Variants in DHRS3 observed in about 807,000 individuals in gnomAD.
The protein encoded by DHRS3 is short-chain dehydrogenase/reductase 3.
DHRS3 carries 14 observed loss-of-function variants against 27.2 expected under a neutral mutation model. The ratio of observed to expected loss-of-function variants is 0.52; its 90% CI spans 0.34 to 0.81. The LOEUF (loss-of-function observed/expected upper bound fraction) is 0.81. Ranked by LOEUF, DHRS3 falls within the 30% of genes least tolerant of loss-of-function variation. The probability of loss-of-function intolerance (pLI) is 0.01; values close to 1 mark genes in which losing one functional copy is unlikely to be tolerated. For synonymous variants in DHRS3, 165 were observed against 175.9 expected (o/e 0.94, Z 0.49); for missense variants, 322 against 406.2 (o/e 0.79, Z 1.78).
chr1:12,600,349 G>C (rs1199214451), intron 1 of DHRS3: 3 of 985,284 alleles, frequency 3.0e-6, no homozygotes, highest in African/African-American at 1.7e-5. Context: ...CATGTGCCCA[G>C]TCCACACTGA....
At chr1:12,589,246 C>A (rs576028617) in intron 1 of DHRS3, among the ~76,000 whole-genome samples, 3 of 152,146 alleles carry the variant, frequency 2.0e-5, no homozygotes, top group Non-Finnish European at 4.4e-5. Flanking sequence ...AAGGAGAGAC[C>A]CTTTCTCGAG....
rs749253246 is a variant in DHRS3 at position 12,617,222 on chromosome 1, T to C, written c.127A>G (p.Ile43Val). ...LRDLSRENVL[I>V]TGGGRGIGRQ... ...CCGATGCCTCTCCCGCCGCCGGTGATGAGGACGTTCTCCCGCGACAGGTCC... is the reference window on the plus strand; with the variant it reads ...CCGATGCCTCTCCCGCCGCCGGTGACGAGGACGTTCTCCCGCGACAGGTCC... Residue 43 changes from isoleucine to valine, a missense_variant, in exon 1 of 6, where the codon ATC becomes GTC. By Grantham distance (29) the Ile-to-Val change is conservative. Transcript: ENST00000616661. 6.2e-7 allele frequency: 1 copy of C among 1,613,582 alleles called. No homozygotes were observed. The highest frequency in any genetic ancestry group is 8.5e-7 in the Non-Finnish European group (1 of 1,179,940).
chr1:12,576,537 G>A (rs1646590377), intron 4 of DHRS3, among the ~76,000 whole-genome samples: 2 of 151,508 alleles, frequency 1.3e-5, no homozygotes, highest in Non-Finnish European at 1.5e-5. Flanking sequence ...ACTCCAGCCT[G>A]GGCGACAGAG....
At chr1:12,587,948 G>C (rs893932388) in intron 1 of DHRS3, among the ~76,000 whole-genome samples, 5 of 152,194 alleles carry the variant, frequency 3.3e-5, no homozygotes, top group African/African-American at 9.7e-5. Flanking sequence ...GTGAGTGAGG[G>C]AGGGAGCCTG....
At chr1:12,580,321 T>A (rs1646632106) in intron 2 of DHRS3, 1 of 646,280 alleles carries the variant, frequency 1.5e-6, no homozygotes, top group Non-Finnish European at 2.7e-6. Flanking sequence ...GAACAACAGA[T>A]GATTACGCCT....
chr1:12,588,125 C>T (rs1646713468), intron 1 of DHRS3, among the ~76,000 whole-genome samples: 1 of 152,234 alleles, frequency 6.6e-6, no homozygotes, highest in African/African-American at 2.4e-5. Flanking sequence ...CCGGCCCGGG[C>T]TGTTTTTCTC....
Position 12,580,630 on chromosome 1 carries a change from C to T in DHRS3, c.232G>A (p.Glu78Lys). 1 of 1,614,074 alleles carries T rather than the reference C, an allele frequency of 6.2e-7. No homozygotes were observed. Among genetic ancestry groups the T allele is most frequent in the Non-Finnish European group, 8.5e-7 (1 of 1,180,020 alleles). Reference protein sequence around the residue: ...LWGRTEKCLKETTEEIRQMGT... With the variant: ...LWGRTEKCLKKTTEEIRQMGT... ...ATCTGCCGGATCTCCTCCGTCGTCT[C>T]CTTCAGGCATTTCTCAGTCCGGCCC... The change falls in exon 2 of 6, where the codon GAG becomes AAG. Residue 78 changes from glutamate (E) to lysine (K), a missense_variant. Coordinates refer to ENST00000616661, the MANE Select transcript of DHRS3 (RefSeq NM_004753.7).
Position 12,594,561 on chromosome 1 carries a change from G to A in DHRS3, c.196-13895C>T, listed in dbSNP as rs1255383119. Among the ~76,000 whole-genome samples, 1 of 152,202 alleles carries A rather than the reference G, an allele frequency of 6.6e-6. No homozygotes were observed. Among genetic ancestry groups the A allele is most frequent in the Non-Finnish European group, 1.5e-5 (1 of 68,040 alleles). ...AGTGGTATTCAGATGGTGGGGGAAA[G>A]GTGCAGGGAAGTCCTCTTGGTTAAA... On this transcript the variant is annotated intron_variant, in intron 1 of 5. Transcript: ENST00000616661. This position sits in a 1 kb window ranked among gnomAD's most constrained non-coding sequence, Gnocchi z 4.1.
intron 1 of DHRS3, among the ~76,000 whole-genome samples, chr1:12,614,702 CTTTTT>C (rs70987260): frequency 1.4e-4 from 13 of 92,664 alleles, no homozygotes; most frequent in African/African-American, 5.3e-4. Flanking sequence ...CTCTGGTACA[CTTTTT>C]TTTTTTTTTT....
chr1:12,587,728 CAAAA>C (rs1646710003), intron 1 of DHRS3, among the ~76,000 whole-genome samples: 23 of 64,430 alleles, frequency 3.6e-4, no homozygotes, highest in East Asian at 2.7e-3. Flanking sequence ...AACCAAAAAA[CAAAA>C]CAAAACAAAA....
intron 5 of DHRS3, 49 bp from the exon 6 acceptor site, chr1:12,568,473 T>C: frequency 1.3e-6 from 2 of 1,587,452 alleles, no homozygotes; most frequent in Non-Finnish European, 1.7e-6. Context: ...TGGGGCAGGA[T>C]CCAGGGGCTG....
chr1:12,593,020 C>A lies in DHRS3; in HGVS notation c.196-12354G>T, dbSNP rs957937282. ...ACCTGGAGCACAAGTGGACCCCTCA[C>A]CTGGTCCCAAAAGGTCACTTGGCTG... On this transcript the variant is annotated intron_variant, in intron 1 of 5. Coordinates refer to ENST00000616661, the MANE Select transcript of DHRS3 (RefSeq NM_004753.7). The surrounding 1 kb of genome is among the most constrained non-coding windows in gnomAD (Gnocchi z 4.6). Among the ~76,000 whole-genome samples, 10 of 152,146 alleles carry A rather than the reference C, an allele frequency of 6.6e-5. No individual in the cohort carries two copies. The highest frequency in any genetic ancestry group is 1.5e-4 in the Non-Finnish European group (10 of 68,002).
At chr1:12,575,783 T>C (rs902097494) in intron 4 of DHRS3, among the ~76,000 whole-genome samples, 5 of 152,256 alleles carry the variant, frequency 3.3e-5, no homozygotes, top group African/African-American at 1.2e-4. Flanking sequence ...CTCAGCTCAC[T>C]GCAACCTCCA....
At chr1:12,571,287 G>A (rs1646534232) in intron 5 of DHRS3, among the ~76,000 whole-genome samples, 1 of 152,196 alleles carries the variant, frequency 6.6e-6, no homozygotes, top group South Asian at 2.1e-4. Context: ...TGGAGGAGGA[G>A]TCTCTCATTT....
chr1:12,569,079 G>A (rs4253925), intron 5 of DHRS3, among the ~76,000 whole-genome samples: 16,036 of 152,018 alleles, frequency 0.11, 894 homozygotes, highest in East Asian at 0.14. Flanking sequence ...TTAGCTGGGC[G>A]TGGTGGTGGG....
chr1:12,606,628 T>A (rs1646873404), intron 1 of DHRS3, among the ~76,000 whole-genome samples: 1 of 152,026 alleles, frequency 6.6e-6, no homozygotes, highest in South Asian at 2.1e-4. Flanking sequence ...TAGCTGAGAT[T>A]ACAGGCATGT....
intron 1 of DHRS3, among the ~76,000 whole-genome samples, chr1:12,609,061 A>C (rs988898610): frequency 5.9e-5 from 9 of 152,180 alleles, no homozygotes; most frequent in Non-Finnish European, 1.0e-4. Context: ...CATTCTAAGC[A>C]CCAGCACAAT....
chr1:12,580,639 A>G lies in DHRS3; in HGVS notation c.223T>C (p.Cys75Arg), dbSNP rs1193610046. Residue 75 changes from cysteine (C) to arginine (R), a missense_variant, in exon 2 of 6, where the codon TGC becomes CGC. Transcript: ENST00000616661. The part of the protein sequence containing the change: ...KIVLWGRTEK[C>R]LKETTEEIRQ... Reference sequence around the variant, plus strand: ...ATCTCCTCCGTCGTCTCCTTCAGGCATTTCTCAGTCCGGCCCCAGAGAACA... The same window carrying G: ...ATCTCCTCCGTCGTCTCCTTCAGGCGTTTCTCAGTCCGGCCCCAGAGAACA... 6.2e-6 allele frequency: 10 copies of G among 1,613,960 alleles called. 1 individual carries two copies. The highest frequency in any genetic ancestry group is 5.5e-5 in the South Asian group (5 of 91,066).
Position 12,574,002 on chromosome 1 carries a change from G to A in DHRS3, c.699-1149C>T, listed in dbSNP as rs1008131727. 2.0e-5 allele frequency among the ~76,000 whole-genome samples: 3 copies of A among 152,116 alleles called. No homozygotes were observed. Among genetic ancestry groups the A allele is most frequent in the African/African-American group, 4.8e-5 (2 of 41,410 alleles). Reference sequence around the variant, plus strand: ...CTGACCCCAATCCCACAAAGAGCTTGTGATCCGCTCTGGCACCAGGAAGAT... The same window carrying A: ...CTGACCCCAATCCCACAAAGAGCTTATGATCCGCTCTGGCACCAGGAAGAT... On this transcript the variant is annotated intron_variant, in intron 4 of 5. Transcript: ENST00000616661. This position sits in a 1 kb window ranked among gnomAD's most constrained non-coding sequence, Gnocchi z 4.6.
Sources: gnomAD v4.1 joint callset for allele counts (sites outside exome capture counted in the v4.1 genomes callset) on GRCh38, gnomAD v4.1.1 for gene constraint, Gnocchi (gnomAD v3.1) non-coding constraint, MANE v1.5 for transcripts, NCBI Gene and HGNC (gene_info 2026-07-23, HGNC 2026-07-21) for gene names.